ZMYM4: variants seen among roughly 807,000 people sequenced by gnomAD.
ZMYM4 encodes the protein zinc finger MYM-type containing 4, also known as zinc finger MYM-type protein 4.
ZMYM4 carries 31 observed loss-of-function variants against 183.2 expected under a neutral mutation model. The observed-to-expected ratio is 0.17, with a 90% CI of 0.13 to 0.23. The LOEUF is 0.23. Among genes scored for constraint, ZMYM4 ranks in the 10% least tolerant of loss-of-function variants. ZMYM4 has a pLI of 1.00. For synonymous variants in ZMYM4, 592 were observed against 631.2 expected (o/e 0.94, Z 0.93); for missense variants, 1,273 against 1,840.3 (o/e 0.69, Z 5.64).
chr1:35,309,931 GT>G (rs199635403), intron 1 of ZMYM4, among the ~76,000 whole-genome samples: 2,097 of 135,970 alleles, frequency 0.015, 17 homozygotes, highest in Non-Finnish European at 0.022. Context: ...GTTTTTTTTT[GT>G]TTTTTTTTTT....
Position 35,359,288 on chromosome 1 carries a change from C to T in ZMYM4, c.449C>T (p.Ser150Leu). ...KQFDQVSVFK[S>L]IRKDFSLVRE... ...TTTGATCAGGTTTCTGTCTTTAAAT[C>T]AATACGGAAAGATTTTAGTCTAGTA... The change falls in exon 3 of 30, where the codon TCA (serine) becomes TTA (leucine). Residue 150 changes from serine to leucine, a missense_variant. Transcript: ENST00000314607. 5 of 1,608,512 alleles carry T rather than the reference C, an allele frequency of 3.1e-6. No homozygotes were observed. In the East Asian group the frequency reaches 1.1e-4, roughly 36 times the overall value.
chr1:35,347,018 T>C (rs1308779997), intron 2 of ZMYM4, among the ~76,000 whole-genome samples: 1 of 152,226 alleles, frequency 6.6e-6, no homozygotes, highest in Admixed American at 6.5e-5. Flanking sequence ...TATGTATTTA[T>C]TTTGAGATGG....
rs868039985 is a variant in ZMYM4, at chr1:35,286,878, C to T, written c.39+17793C>T. ...CTCCTGGGCTCAAGCAGTCCTCCAC[C>T]TCTGCCTCCCAAAGATTATAGGTGT... On this transcript the variant is annotated intron_variant, in intron 1 of 29. Transcript: ENST00000314607. 1.4e-4 allele frequency among the ~76,000 whole-genome samples: 20 copies of T among 139,532 alleles called. No individual in the cohort carries two copies. The Admixed American group carries it at 1.5e-3, about 10-fold the overall frequency. The allele number at this position is 139,532 out of a possible 152,430, so 91.5% of individuals were successfully genotyped here.
At chr1:35,376,478 A>G (rs1644336183) in intron 7 of ZMYM4, among the ~76,000 whole-genome samples, 1 of 152,116 alleles carries the variant, frequency 6.6e-6, no homozygotes, top group African/African-American at 2.4e-5. Context: ...TTGTTTCTTC[A>G]TTTATATTTT....
chr1:35,281,947 A>G (rs1254301501), intron 1 of ZMYM4, among the ~76,000 whole-genome samples: 1 of 152,152 alleles, frequency 6.6e-6, no homozygotes, highest in African/African-American at 2.4e-5. Flanking sequence ...CACTTAGCAT[A>G]TTTTCAAGGT....
chr1:35,315,974 A>G (rs1183061136), intron 1 of ZMYM4, among the ~76,000 whole-genome samples: 2 of 152,218 alleles, frequency 1.3e-5, no homozygotes, highest in African/African-American at 4.8e-5. Context: ...TTAATTAAAA[A>G]GAAATACTTT....
intron 1 of ZMYM4, 99 bp from the exon 2 acceptor site, chr1:35,325,261 T>G (rs1444900154): frequency 7.1e-6 from 8 of 1,134,634 alleles, no homozygotes; most frequent in Non-Finnish European, 9.9e-6. Context: ...TCATTTGGGT[T>G]GAAAATTACA....
intron 23 of ZMYM4, chr1:35,404,729 T>A (rs1459517333): frequency 5.0e-6 from 1 of 199,306 alleles, no homozygotes; most frequent in Admixed American, 5.8e-5. Flanking sequence ...GTGGTAATAG[T>A]AGTTATTCAT....
At chr1:35,365,016 A>T (rs1296228165) in intron 5 of ZMYM4, among the ~76,000 whole-genome samples, 1 of 152,000 alleles carries the variant, frequency 6.6e-6, no homozygotes, top group Non-Finnish European at 1.5e-5. Flanking sequence ...TCATTTCTTC[A>T]TTCTAATTCT....
rs181162797 is a variant in ZMYM4, at chr1:35,360,635, G to A, written c.608-559G>A. On this transcript the variant is annotated intron_variant, in intron 3 of 29. Coordinates refer to ENST00000314607, the MANE Select transcript of ZMYM4 (RefSeq NM_005095.3). ...TAGAATGGACAAGACAAGTCAGGCC[G>A]TAGAAGTGCCAATGTCCAGCTGAAT... is the stretch of plus-strand genomic sequence containing the variant. 1.7e-3 allele frequency among the ~76,000 whole-genome samples: 257 copies of A among 152,196 alleles called. 2 individuals carry two copies. Among genetic ancestry groups the A allele is most frequent in the Middle Eastern group, 3.4e-3 (1 of 294 alleles).
chr1:35,347,422 A>G (rs2148875251), intron 2 of ZMYM4, among the ~76,000 whole-genome samples: 1 of 152,324 alleles, frequency 6.6e-6, no homozygotes, highest in Admixed American at 6.5e-5. Context: ...TGAAGTTGTT[A>G]TAAATTTACT....
Position 35,358,961 on chromosome 1 carries a change from T to C in ZMYM4, c.122T>C (p.Ile41Thr), listed in dbSNP as rs778922009. The C allele has an allele frequency of 9.9e-6, 16 of 1,613,444 alleles. No individual in the cohort carries two copies. Among genetic ancestry groups the C allele is most frequent in the Non-Finnish European group, 1.3e-5 (15 of 1,179,632 alleles). Residue 41 changes from isoleucine to threonine, a missense_variant, in exon 3 of 30, where the codon ATA becomes ACA. Ile to Thr is a moderately conservative substitution (Grantham distance 89, BLOSUM62 -1). Transcript: ENST00000314607. ...ATGGATACAGAAATGTCTGAAGATA[T>C]AGACCACAACTTAACTCCTACCCTT... ...GIMDTEMSED[I>T]DHNLTPTLDS...
Position 35,398,937 on chromosome 1 carries a change from G to C in ZMYM4, c.3327G>C (p.Leu1109=), listed in dbSNP as rs556676919. 2 of 1,614,142 alleles carry C rather than the reference G, an allele frequency of 1.2e-6. No homozygotes were observed. The highest frequency in any genetic ancestry group is 4.5e-5 in the East Asian group (2 of 44,866). The change falls in exon 22 of 30, where the codon CTG becomes CTC. Residue 1109 remains leucine (L), a synonymous_variant. Coordinates refer to ENST00000314607, the MANE Select transcript of ZMYM4 (RefSeq NM_005095.3). Reference sequence around the variant, plus strand: ...CTCCACATAGCTGGGAGGAAGAGCTGAATCACTATGCCTTAAAGTCAAATG... The same window carrying C: ...CTCCACATAGCTGGGAGGAAGAGCTCAATCACTATGCCTTAAAGTCAAATG... ...VSTPHSWEEE[L]NHYALKSNAV...
At chr1:35,399,620 C>G in intron 23 of ZMYM4, 44 bp downstream of exon 23, 2 of 1,598,702 alleles carry the variant, frequency 1.3e-6, no homozygotes, top group Non-Finnish European at 1.7e-6. Context: ...TTCCTTCATT[C>G]TACAAGCATT....
At chr1:35,398,584 A>C (rs1644849236) in intron 21 of ZMYM4, 118 bp downstream of exon 21, 3 of 924,022 alleles carry the variant, frequency 3.2e-6, no homozygotes, top group Non-Finnish European at 4.9e-6. Flanking sequence ...AAGGGGTATC[A>C]GATGTATATG....
chr1:35,278,594 T>G (rs1639990999), intron 1 of ZMYM4, among the ~76,000 whole-genome samples: 1 of 151,996 alleles, frequency 6.6e-6, no homozygotes, highest in Non-Finnish European at 1.5e-5. Flanking sequence ...CCTGGCTAAT[T>G]TTTTGTATTT....
rs751499730 is a variant in ZMYM4 at position 35,389,238 on chromosome 1, T to C, written c.2436+156T>C. On this transcript the variant is annotated intron_variant, in intron 14 of 29. Transcript: ENST00000314607. This position sits in a 1 kb window ranked among gnomAD's most constrained non-coding sequence, Gnocchi z 4.0. ...CAATTAATATAAGATTTAGAAAGAC[T>C]TTAATGTTATTGAAGTTTTCTTTTG... 3.3e-5 allele frequency among the ~76,000 whole-genome samples: 5 copies of C among 152,228 alleles called. No homozygotes were observed. Among genetic ancestry groups the C allele is most frequent in the Non-Finnish European group, 5.9e-5 (4 of 68,042 alleles).
At position 35,420,131 on chromosome 1, in the gene ZMYM4, G is replaced by C. The variant is rs533487142; in HGVS notation, c.*454G>C. The C allele has an allele frequency of 1.9e-5, 3 of 159,442 alleles. No homozygotes were observed. The highest frequency in any genetic ancestry group is 7.2e-5 in the African/African-American group (3 of 41,520). The allele number at this position is 159,442 out of a possible 1,614,324, so 9.9% of individuals were successfully genotyped here. On this transcript the variant is annotated 3_prime_UTR_variant, in exon 30 of 30. Coordinates refer to ENST00000314607, the MANE Select transcript of ZMYM4 (RefSeq NM_005095.3). ...CAGAGCTAAGAGTGACATCAAATGA[G>C]GACTGTGGGACCCAGATTTGAAGAC...
chr1:35,285,881 GA>G (rs556516629), intron 1 of ZMYM4, among the ~76,000 whole-genome samples: 3 of 152,226 alleles, frequency 2.0e-5, no homozygotes, highest in African/African-American at 7.2e-5. Context: ...ACTAGGAAAA[GA>G]GGGGAATTTC....
Sources: allele counts gnomAD v4.1 joint callset (sites outside exome capture counted in the v4.1 genomes callset), GRCh38; gene constraint gnomAD v4.1.1; non-coding constraint Gnocchi (gnomAD v3.1); transcripts MANE v1.5; gene names NCBI Gene and HGNC (gene_info 2026-07-23, HGNC 2026-07-21).